Variants in ARHGEF7 observed in about 807,000 individuals in gnomAD.
The protein encoded by ARHGEF7 is Rho guanine nucleotide exchange factor 7.
A neutral mutation model predicts 109.8 loss-of-function variants in ARHGEF7; 33 were observed. The observed-to-expected ratio is 0.30, with a 90% CI of 0.23 to 0.40. The LOEUF (loss-of-function observed/expected upper bound fraction) is 0.40, where lower values mean the gene tolerates loss of function less well. Among genes scored for constraint, ARHGEF7 ranks in the 10% least tolerant of loss-of-function variants. The pLI, the probability that ARHGEF7 is intolerant of heterozygous loss-of-function variation, is 1.00. For synonymous variants in ARHGEF7, 458 were observed against 424.6 expected, an observed-to-expected ratio of 1.08 and a Z score of -0.97; for missense variants, 938 against 1,098.5, an observed-to-expected ratio of 0.85 and a Z score of 2.07.
chr13:111,215,293 G>A (rs1023604729), intron 4 of ARHGEF7, among the ~76,000 whole-genome samples: 13 of 152,144 alleles, frequency 8.5e-5, no homozygotes, highest in African/African-American at 2.9e-4. Flanking sequence ...CGATCTTGCT[G>A]GAGGATTGTA....
Position 111,280,263 on chromosome 13 carries a change from C to G in ARHGEF7, c.1507-9C>G, listed in dbSNP as rs1469708010. 6.4e-7 allele frequency: 1 copy of G among 1,566,202 alleles called. No individual in the cohort carries two copies. Among genetic ancestry groups the G allele is most frequent in the Non-Finnish European group, 8.7e-7 (1 of 1,153,738 alleles). ...TGTTTTTTTTTTTGTGGGGGGGGGT[C>G]TTTTTTAGGGAAAGCTTCCAACGAC... is the stretch of plus-strand genomic sequence containing the variant. On this transcript the variant is annotated splice_polypyrimidine_tract_variant and intron_variant, in intron 13 of 21. Coordinates refer to ENST00000646102, the MANE Select transcript of ARHGEF7 (RefSeq NM_001354046.2).
intron 2 of ARHGEF7, among the ~76,000 whole-genome samples, chr13:111,163,994 A>C (rs1392696310): frequency 6.6e-6 from 1 of 152,176 alleles, no homozygotes; most frequent in African/African-American, 2.4e-5. Context: ...CTCGGTTTGT[A>C]TTAGCCACAT....
intron 5 of ARHGEF7, among the ~76,000 whole-genome samples, chr13:111,229,871 C>A (rs1240294296): frequency 6.6e-6 from 1 of 152,188 alleles, no homozygotes; most frequent in Non-Finnish European, 1.5e-5. Flanking sequence ...AGGCTGTGCC[C>A]CCGTCTGTGA....
intron 1 of ARHGEF7, among the ~76,000 whole-genome samples, chr13:111,121,603 T>C (rs1311908092): frequency 6.6e-6 from 1 of 151,872 alleles, no homozygotes; most frequent in Non-Finnish European, 1.5e-5. Flanking sequence ...CACGCGTCTC[T>C]CACTGCACGA....
At chr13:111,295,985 C>A (rs1185197561) in intron 19 of ARHGEF7, among the ~76,000 whole-genome samples, 1 of 152,364 alleles carries the variant, frequency 6.6e-6, no homozygotes, top group African/African-American at 2.4e-5. Flanking sequence ...CACAAGCATG[C>A]ATGCACACCA....
At chr13:111,242,510 G>A (rs1349036656) in intron 6 of ARHGEF7, among the ~76,000 whole-genome samples, 2 of 152,054 alleles carry the variant, frequency 1.3e-5, no homozygotes, top group Non-Finnish European at 2.9e-5. Context: ...GTTAGCTCTG[G>A]GAGACAAATA....
At chr13:111,222,242 A>T (rs929230279) in intron 5 of ARHGEF7, among the ~76,000 whole-genome samples, 1 of 152,036 alleles carries the variant, frequency 6.6e-6, no homozygotes, top group African/African-American at 2.4e-5. Context: ...ACTTTGGAAA[A>T]TTTCCCTTTT....
In ARHGEF7 at chr13:111,293,790, G is replaced by A. The variant is rs1378338407; in HGVS notation, c.2311+1496G>A. The stretch of plus-strand genomic sequence containing the variant: ...TTTCTTCCCCACTGCCCACTCCTTC[G>A]CCAAACCCACGTATTCAGTGTTCTG... On this transcript the variant is annotated intron_variant, in intron 19 of 21. Transcript: ENST00000646102. 2.5e-5 allele frequency: 25 copies of A among 985,152 alleles called. No individual in the cohort carries two copies. In the Admixed American group the frequency reaches 9.2e-4, roughly 36 times the overall value. 61.0% of individuals were successfully genotyped at this position (985,152 alleles called of 1,614,324 possible). A position where few individuals can be genotyped will look rare whatever the true frequency, so the allele number is the denominator to read the frequency against.
chr13:111,262,080 A>C (rs980946612), intron 8 of ARHGEF7, among the ~76,000 whole-genome samples: 17 of 152,208 alleles, frequency 1.1e-4, no homozygotes, highest in Non-Finnish European at 1.9e-4. Context: ...ACCAAACCCA[A>C]AATTGTAGAA....
rs148841438 is a variant in ARHGEF7, at chr13:111,132,727, G to C, written c.165+17036G>C. The stretch of plus-strand genomic sequence containing the variant: ...TGCAGTAAATGTAAGTCATGTCCTG[G>C]GGAATTATTTTTCTAACTCAAAGCA... On this transcript the variant is annotated intron_variant, in intron 1 of 21. Transcript: ENST00000646102. Among the ~76,000 whole-genome samples, 355 of 152,236 alleles carry C rather than the reference G, an allele frequency of 2.3e-3. 3 individuals are homozygous for C. The highest frequency in any genetic ancestry group is 0.02 in the East Asian group (102 of 5,184).
intron 20 of ARHGEF7, 51 bp from the exon 21 acceptor site, chr13:111,301,427 C>G: frequency 6.5e-7 from 1 of 1,530,806 alleles, no homozygotes; most frequent in Non-Finnish European, 9.0e-7. Context: ...TTCGTGTGTC[C>G]TCTCCATGCC....
Position 111,283,177 on chromosome 13 carries a change from A to G in ARHGEF7, c.1764A>G (p.Ala588=), listed in dbSNP as rs762087298. 3 of 1,596,888 alleles carry G rather than the reference A, an allele frequency of 1.9e-6. No individual in the cohort carries two copies. In the African/African-American group the frequency reaches 4.0e-5, roughly 21 times the overall value. The change falls in exon 16 of 22, where the codon GCA becomes GCG. Residue 588 remains alanine (A), a synonymous_variant. Coordinates refer to ENST00000646102, the MANE Select transcript of ARHGEF7 (RefSeq NM_001354046.2). Reference sequence around the variant, plus strand: ...CGGTCACTCCGTCCAGCAAGCACGCAGACAGCAAGCCCGCGCCGCTGACGC... The same window carrying G: ...CGGTCACTCCGTCCAGCAAGCACGCGGACAGCAAGCCCGCGCCGCTGACGC... The part of the protein sequence containing the change: ...SHPVTPSSKH[A]DSKPAPLTPA...
chr13:111,209,858 C>A lies in ARHGEF7; in HGVS notation c.338-14C>A. On this transcript the variant is annotated splice_polypyrimidine_tract_variant and intron_variant, in intron 3 of 21. Coordinates refer to ENST00000646102, the MANE Select transcript of ARHGEF7 (RefSeq NM_001354046.2). ...GCTCTCAGCTCTCTTTTTCTGTGTG[C>A]ATGCTCTTTGCAGACATCGGGCTGG... The A allele has an allele frequency of 1.2e-6, 2 of 1,613,114 alleles. No individual in the cohort carries two copies. Among genetic ancestry groups the A allele is most frequent in the Non-Finnish European group, 1.7e-6 (2 of 1,179,336 alleles).
chr13:111,126,290 A>G (rs1566594779), intron 1 of ARHGEF7, among the ~76,000 whole-genome samples: 1 of 152,228 alleles, frequency 6.6e-6, no homozygotes, highest in Non-Finnish European at 1.5e-5. Context: ...CAGGAGCTCA[A>G]GACCAGCCTG....
intron 4 of ARHGEF7, among the ~76,000 whole-genome samples, chr13:111,217,296 AG>A (rs2083262790): frequency 6.6e-6 from 1 of 152,234 alleles, no homozygotes; most frequent in Non-Finnish European, 1.5e-5. Context: ...TTCCATAATG[AG>A]TGGTATAGTC....
At chr13:111,284,470 G>C (rs755619532) in intron 16 of ARHGEF7, among the ~76,000 whole-genome samples, 1 of 152,170 alleles carries the variant, frequency 6.6e-6, no homozygotes, top group Non-Finnish European at 1.5e-5. Context: ...GAATGTTGCT[G>C]TTCCTTATTG....
chr13:111,201,222 T>A (rs148175299), intron 2 of ARHGEF7, among the ~76,000 whole-genome samples: 90 of 152,336 alleles, frequency 5.9e-4, no homozygotes, highest in African/African-American at 2.1e-3. Flanking sequence ...TGCGTCTCAC[T>A]ATTTTCTTCT....
chr13:111,162,181 G>A lies in ARHGEF7; in HGVS notation c.252+8190G>A, dbSNP rs572616778. ...TGGATGTCCTGTGGACAGCTGTCTT[G>A]AATCTTTTATATATTTTCTTTCCCT... On this transcript the variant is annotated intron_variant, in intron 2 of 21. Transcript: ENST00000646102. Among the ~76,000 whole-genome samples the A allele has an allele frequency of 1.4e-4, 22 of 152,274 alleles. No individual in the cohort carries two copies. In the East Asian group the frequency reaches 3.9e-3, roughly 27 times the overall value.
At chr13:111,170,297 C>A (rs1381937270) in intron 2 of ARHGEF7, among the ~76,000 whole-genome samples, 1 of 152,180 alleles carries the variant, frequency 6.6e-6, no homozygotes, top group Non-Finnish European at 1.5e-5. Context: ...GAGGTCTTGC[C>A]ATGTTGGCCA....
Sources: allele counts gnomAD v4.1 joint callset (sites outside exome capture counted in the v4.1 genomes callset), GRCh38; gene constraint gnomAD v4.1.1; transcripts MANE v1.5; gene names NCBI Gene and HGNC (gene_info 2026-07-23, HGNC 2026-07-21).